KLRG1: variants seen among roughly 807,000 people sequenced by gnomAD.
KLRG1 encodes the protein killer cell lectin like receptor G1, also known as killer cell lectin-like receptor subfamily G member 1.
Under a neutral mutation model 21.8 loss-of-function variants are expected in KLRG1, and 16 were observed. The observed-to-expected ratio is 0.73, with a 90% CI of 0.50 to 1.11. The LOEUF is 1.11. KLRG1 is among the 50% of genes most tolerant of loss of function. The probability of loss-of-function intolerance (pLI) is 0.00; values close to 1 mark genes in which losing one functional copy is unlikely to be tolerated. For missense variants in KLRG1, 173 were observed against 218.3 expected, an observed-to-expected ratio of 0.79 and a Z score of 1.31; for synonymous variants, 69 against 75.9, an observed-to-expected ratio of 0.91 and a Z score of 0.47.
At chr12:9,068,623 C>CA in the KLRG1 span, 1 of 848,582 alleles carries the variant, frequency 1.2e-6, no homozygotes, top group Non-Finnish European at 1.9e-6. Context: ...TTGATGGAGA[C>CA]AAAATGAAGT....
At chr12:9,093,663 A>G in the KLRG1 span, 1 of 752,028 alleles carries the variant, frequency 1.3e-6, no homozygotes, top group African/African-American at 1.8e-5. Flanking sequence ...CCAAAAAAAA[A>G]AAACAAAAAA....
intron 3 of KLRG1, among the ~76,000 whole-genome samples, chr12:9,001,825 CAG>C (rs1321994576): frequency 4.6e-5 from 7 of 152,126 alleles, no homozygotes; most frequent in African/African-American, 7.2e-5. Flanking sequence ...TGGGACAAAA[CAG>C]AGATATACTG....
At chr12:9,091,548 A>G in the KLRG1 span, 1 of 993,894 alleles carries the variant, frequency 1.0e-6, no homozygotes, top group South Asian at 1.7e-5. Context: ...AGAAATACCA[A>G]TAATGGAGAG....
the KLRG1 span, among the ~76,000 whole-genome samples, chr12:9,029,317 G>A: frequency 6.6e-6 from 1 of 152,124 alleles, no homozygotes; most frequent in Non-Finnish European, 1.5e-5. Flanking sequence ...CTGGATTCAA[G>A]TGATTCTCCT....
the KLRG1 span, chr12:9,099,638 A>C: frequency 7.9e-7 from 1 of 1,262,070 alleles, no homozygotes; most frequent in East Asian, 2.6e-5. Flanking sequence ...ACCTCTAAGG[A>C]CTCTAGCTTT....
intron 1 of KLRG1, among the ~76,000 whole-genome samples, chr12:8,972,321 C>A (rs1946583714): frequency 1.3e-5 from 2 of 152,124 alleles, no homozygotes; most frequent in Non-Finnish European, 1.5e-5. Flanking sequence ...CCACTCCTGG[C>A]TAATTTTTTG....
chr12:9,147,371 C>A, the KLRG1 span, among the ~76,000 whole-genome samples: 1 of 152,176 alleles, frequency 6.6e-6, no homozygotes, highest in African/African-American at 2.4e-5. Flanking sequence ...CCCCTTCTCT[C>A]CCCTAAGAGA....
intron 1 of KLRG1, among the ~76,000 whole-genome samples, chr12:8,951,033 A>G (rs973473082): frequency 2.4e-5 from 3 of 126,690 alleles, no homozygotes; most frequent in African/African-American, 7.7e-5. Flanking sequence ...TGTTGCCCCA[A>G]TAAAAAAAAA....
intron 1 of KLRG1, among the ~76,000 whole-genome samples, chr12:8,982,636 G>A (rs1946772653): frequency 6.6e-6 from 1 of 150,992 alleles, no homozygotes; most frequent in African/African-American, 2.4e-5. Context: ...AGCCAGAACA[G>A]ACAATATCTT....
chr12:9,090,289 A>C, the KLRG1 span: 4,842 of 1,608,270 alleles, frequency 3.0e-3, 132 homozygotes, highest in African/African-American at 0.058. Context: ...GTAGCACTCA[A>C]TATAAGGTTC....
chr12:9,075,993 G>A, the KLRG1 span, among the ~76,000 whole-genome samples: 4 of 152,122 alleles, frequency 2.6e-5, no homozygotes, highest in South Asian at 8.3e-4. Context: ...TGTTTTAATG[G>A]ACATCTTGTG....
chr12:9,000,537 T>C (rs920318882), intron 3 of KLRG1, among the ~76,000 whole-genome samples: 3 of 152,194 alleles, frequency 2.0e-5, no homozygotes, highest in Non-Finnish European at 4.4e-5. Flanking sequence ...TCATCCCCAG[T>C]TGAAGCTCTG....
At chr12:9,064,463 C>G in the KLRG1 span, 1 of 154,688 alleles carries the variant, frequency 6.5e-6, no homozygotes, top group Non-Finnish European at 1.5e-5. The surrounding 1 kb of genome is among the most constrained non-coding windows in gnomAD (Gnocchi z 4.0). Flanking sequence ...CCACCATCCT[C>G]GCGTTGCCGG....
At chr12:9,136,165 G>T in the KLRG1 span, among the ~76,000 whole-genome samples, 1 of 152,154 alleles carries the variant, frequency 6.6e-6, no homozygotes, top group African/African-American at 2.4e-5. Context: ...ATCTGCCATG[G>T]CAACGGGTTT....
At chr12:8,959,409 C>T (rs2041625) in intron 1 of KLRG1, among the ~76,000 whole-genome samples, 58,485 of 152,008 alleles carry the variant, frequency 0.38, 11,977 homozygotes, top group Middle Eastern at 0.47. Context: ...AGGAAATGAC[C>T]TGGCTGTGTG....
the KLRG1 span, chr12:9,079,374 C>T: frequency 1.7e-5 from 27 of 1,562,478 alleles, no homozygotes; most frequent in African/African-American, 3.4e-4. Context: ...GATTAATGTG[C>T]ATGCTGAGGG....
chr12:9,192,408 AC>A, the KLRG1 span: 1 of 1,288,672 alleles, frequency 7.8e-7, no homozygotes, highest in Non-Finnish European at 1.1e-6. Context: ...CAACAAGAAC[AC>A]AAGGTGGCTG....
intron 3 of KLRG1, among the ~76,000 whole-genome samples, chr12:8,998,328 CA>C (rs959372968): frequency 1.9e-4 from 28 of 145,756 alleles, no homozygotes; most frequent in African/African-American, 4.8e-4. Flanking sequence ...GACACTGTCT[CA>C]AAAAAAAAAA....
chr12:9,030,316 T>C, the KLRG1 span, among the ~76,000 whole-genome samples: 1 of 152,338 alleles, frequency 6.6e-6, no homozygotes, highest in South Asian at 2.1e-4. Context: ...ATATAAAGTT[T>C]ATCACTTTAA....
Sources: gnomAD v4.1 joint callset for allele counts (sites outside exome capture counted in the v4.1 genomes callset) on GRCh38, gnomAD v4.1.1 for gene constraint, Gnocchi (gnomAD v3.1) non-coding constraint, MANE v1.5 for transcripts, NCBI Gene and HGNC (gene_info 2026-07-23, HGNC 2026-07-21) for gene names.